The following SGCZ variants were observed in gnomAD, a reference collection of about 807,000 sequenced individuals.
The protein encoded by SGCZ is zeta-sarcoglycan.
Under a neutral mutation model 41.3 loss-of-function variants are expected in SGCZ, and 40 were observed. The ratio of observed to expected loss-of-function variants is 0.97; its 90% CI spans 0.75 to 1.26. The LOEUF is 1.26. SGCZ is among the 50% of genes most tolerant of loss of function. The probability of loss-of-function intolerance (pLI) is 0.00; values close to 1 mark genes in which losing one functional copy is unlikely to be tolerated. For missense variants in SGCZ, 552 were observed against 369.8 expected (o/e 1.49, Z -4.04); for synonymous variants, 206 against 137.5 (o/e 1.50, Z -3.49).
intron 1 of SGCZ, among the ~76,000 whole-genome samples, chr8:14,587,127 T>C (rs1805084362): frequency 6.6e-6 from 1 of 152,016 alleles, no homozygotes; most frequent in Non-Finnish European, 1.5e-5. Context: ...ACTTAATATA[T>C]ACCGTCTCTA....
intron 5 of SGCZ, among the ~76,000 whole-genome samples, chr8:14,145,633 A>G (rs1357185888): frequency 6.6e-6 from 1 of 152,260 alleles, no homozygotes; most frequent in African/African-American, 2.4e-5. Flanking sequence ...CACACGTAAC[A>G]GAGATACGTG....
chr8:15,153,625 C>G (rs760121919), intron 1 of SGCZ, among the ~76,000 whole-genome samples: 3 of 152,124 alleles, frequency 2.0e-5, no homozygotes, highest in Middle Eastern at 3.4e-3. Context: ...AGCTCTCGCT[C>G]TGAGTTCTGG....
rs1018108939 is a variant in SGCZ at position 14,527,362 on chromosome 8, C to T, written c.234+27370G>A. Among the ~76,000 whole-genome samples, 15 of 152,218 alleles carry T rather than the reference C, an allele frequency of 9.9e-5. No homozygotes were observed. The East Asian group carries it at 2.1e-3, about 22-fold the overall frequency. ...TGTCATCCAGGCTAGAGCGCAGTGG[C>T]GCGATTATGGCTCACTGCAACCTCA... On this transcript the variant is annotated intron_variant, in intron 2 of 7. Transcript: ENST00000382080.
chr8:15,207,882 A>G (rs1369974335), intron 1 of SGCZ, among the ~76,000 whole-genome samples: 1 of 152,162 alleles, frequency 6.6e-6, no homozygotes, highest in Non-Finnish European at 1.5e-5. Flanking sequence ...CAGAAAATGT[A>G]TGTTGGGTAG....
chr8:14,567,929 A>C (rs72496289), intron 1 of SGCZ, among the ~76,000 whole-genome samples: 1 of 151,710 alleles, frequency 6.6e-6, no homozygotes, highest in African/African-American at 2.4e-5. Flanking sequence ...GAAGGAAAAA[A>C]CTCTGGACAT....
At chr8:14,873,300 C>A (rs575681658) in intron 1 of SGCZ, among the ~76,000 whole-genome samples, 6 of 152,094 alleles carry the variant, frequency 3.9e-5, no homozygotes, top group Non-Finnish European at 7.4e-5. Context: ...TTATTCATTG[C>A]ATGTGTTGGT....
Position 14,088,490 on chromosome 8 carries a change from A to G in SGCZ, c.*1953T>C, listed in dbSNP as rs903674595. 6.6e-6 allele frequency among the ~76,000 whole-genome samples: 1 copy of G among 151,774 alleles called. No individual in the cohort carries two copies. Among genetic ancestry groups the G allele is most frequent in the Non-Finnish European group, 1.5e-5 (1 of 67,828 alleles). ...TGATTAGCACACATAATTTCTCAAT[A>G]TTTCTTGTATTATACTTTATTTTGC... On this transcript the variant is annotated 3_prime_UTR_variant, in exon 8 of 8. Coordinates refer to ENST00000382080, the MANE Select transcript of SGCZ (RefSeq NM_139167.4).
chr8:14,466,024 C>A (rs935572983), intron 2 of SGCZ, among the ~76,000 whole-genome samples: 1 of 151,918 alleles, frequency 6.6e-6, no homozygotes, highest in African/African-American at 2.4e-5. Flanking sequence ...TACTAGCTTT[C>A]ATAATTGCTC....
intron 1 of SGCZ, among the ~76,000 whole-genome samples, chr8:15,158,287 C>T (rs1799397333): frequency 6.6e-6 from 1 of 152,046 alleles, no homozygotes; most frequent in African/African-American, 2.4e-5. Flanking sequence ...TTTCCCAGTT[C>T]TAAAGGCCAA....
chr8:14,111,750 T>A (rs2117012307), intron 5 of SGCZ, among the ~76,000 whole-genome samples: 1 of 152,292 alleles, frequency 6.6e-6, no homozygotes, highest in East Asian at 1.9e-4. Context: ...TATGATAATT[T>A]CTGGCTTCTG....
chr8:14,682,898 T>C (rs1440311896), intron 1 of SGCZ, among the ~76,000 whole-genome samples: 1 of 152,156 alleles, frequency 6.6e-6, no homozygotes. Context: ...CTTTTGTAAA[T>C]AACTGCATAG....
At chr8:15,039,190 A>G (rs972195607) in intron 1 of SGCZ, among the ~76,000 whole-genome samples, 11 of 152,306 alleles carry the variant, frequency 7.2e-5, no homozygotes, top group Middle Eastern at 3.4e-3. Flanking sequence ...TGTTCACTCC[A>G]GCATCATTCA....
chr8:14,890,283 G>A (rs1057191738), intron 1 of SGCZ, among the ~76,000 whole-genome samples: 5 of 151,766 alleles, frequency 3.3e-5, no homozygotes, highest in Admixed American at 2.0e-4. Flanking sequence ...GGAAAGAAAC[G>A]AAAGGAAGGA....
intron 2 of SGCZ, among the ~76,000 whole-genome samples, chr8:14,369,021 ATGTGTGTGTGTG>A (rs10655274): frequency 2.8e-5 from 4 of 145,418 alleles, no homozygotes; most frequent in Admixed American, 7.0e-5. Context: ...GCAAATGTAA[ATGTGTGTGTGTG>A]TGTGTGTGTG....
chr8:14,884,376 A>C (rs1482987932), intron 1 of SGCZ, among the ~76,000 whole-genome samples: 2 of 152,128 alleles, frequency 1.3e-5, no homozygotes, highest in African/African-American at 2.4e-5. Flanking sequence ...ATAAGTTCAC[A>C]AATAATTATT....
chr8:14,136,278 G>A (rs1803194887), intron 5 of SGCZ, among the ~76,000 whole-genome samples: 1 of 152,100 alleles, frequency 6.6e-6, no homozygotes, highest in Admixed American at 6.5e-5. Context: ...TGAGGTACCG[G>A]GTTAATCTCA....
At chr8:14,441,044 A>T (rs1210827877) in intron 2 of SGCZ, among the ~76,000 whole-genome samples, 1 of 152,126 alleles carries the variant, frequency 6.6e-6, no homozygotes, top group Non-Finnish European at 1.5e-5. Context: ...TTTTTTTCTA[A>T]AAATTAAGCA....
intron 1 of SGCZ, among the ~76,000 whole-genome samples, chr8:14,719,122 C>T (rs1233032505): frequency 2.0e-5 from 3 of 150,020 alleles, no homozygotes; most frequent in Admixed American, 6.7e-5. Context: ...TTTGTTCTTG[C>T]TATAGTTTAC....
At chr8:15,066,237 A>G (rs1265056971) in intron 1 of SGCZ, among the ~76,000 whole-genome samples, 8 of 150,770 alleles carry the variant, frequency 5.3e-5, no homozygotes, top group Admixed American at 2.6e-4. Context: ...GAACCCGGGA[A>G]GCGGAGCTTG....
Sources: gnomAD v4.1 joint callset for allele counts (sites outside exome capture counted in the v4.1 genomes callset) on GRCh38, gnomAD v4.1.1 for gene constraint, MANE v1.5 for transcripts, NCBI Gene and HGNC (gene_info 2026-07-23, HGNC 2026-07-21) for gene names.